OTX1: variants seen among roughly 807,000 people sequenced by gnomAD.
OTX1 encodes orthodenticle homeobox 1, also known as homeobox protein OTX1.
In OTX1, 7 loss-of-function variants were observed where a neutral mutation model predicts 26.7. The ratio of observed to expected loss-of-function variants is 0.26; its 90% CI spans 0.15 to 0.49. OTX1 has a LOEUF of 0.49. Ranked by LOEUF, OTX1 falls within the 20% of genes least tolerant of loss-of-function variation. The pLI is 0.98. For missense variants in OTX1, 414 were observed against 483.8 expected (o/e 0.86, Z 1.35); for synonymous variants, 216 against 212.8 (o/e 1.01, Z -0.13).
At chr2:63,054,909 G>A (rs958994920) in intron 4 of OTX1, among the ~76,000 whole-genome samples, 80 of 152,250 alleles carry the variant, frequency 5.3e-4, no homozygotes, top group African/African-American at 1.9e-3. Context: ...AAGGGCCAAC[G>A]AAATCCCACC....
rs1244544563 is a variant in OTX1 at position 63,057,003 on chromosome 2, G to C, written c.*687G>C. ...CTGGACTGGTTCAAGCTTCCGCCTC[G>C]GCGGGAACGCTGTACATAGTCAGGT... On this transcript the variant is annotated 3_prime_UTR_variant, in exon 5 of 5. Coordinates refer to ENST00000282549, the MANE Select transcript of OTX1 (RefSeq NM_014562.4). 1 of 152,332 alleles carries C rather than the reference G, an allele frequency of 6.6e-6. No individual in the cohort carries two copies. Among genetic ancestry groups the C allele is most frequent in the Non-Finnish European group, 1.5e-5 (1 of 68,182 alleles). 9.4% of individuals were successfully genotyped at this position (152,332 alleles called of 1,614,324 possible). A position where few individuals can be genotyped will look rare whatever the true frequency, so the allele number is the denominator to read the frequency against.
rs773204989 is a variant in OTX1 at position 63,056,123 on chromosome 2, GCCACCACCA to G, written c.879_887del (p.His299_His301del). On this transcript the variant is annotated inframe_deletion, in exon 5 of 5. Coordinates refer to ENST00000282549, the MANE Select transcript of OTX1 (RefSeq NM_014562.4). ...CACCACCCGTTGAGCCAGTCCTCAGGCCACCACCACCACCATCACCACCACCACCACCAA... is the reference window on the plus strand; with the variant it reads ...CACCACCCGTTGAGCCAGTCCTCAGGCCACCATCACCACCACCACCACCAA... 3 of 1,613,704 alleles carry G rather than the reference GCCACCACCA, an allele frequency of 1.9e-6. No homozygotes were observed. Among genetic ancestry groups the G allele is most frequent in the Middle Eastern group, 1.6e-4 (1 of 6,062 alleles).
At chr2:63,052,748 G>C in intron 2 of OTX1, 132 bp from the exon 3 acceptor site, 2 of 498,804 alleles carry the variant, frequency 4.0e-6, no homozygotes, top group South Asian at 2.6e-5. Context: ...TGGTTTCTGG[G>C]CTAAGGCCTT....
At chr2:63,054,857 C>T (rs1319814522) in intron 4 of OTX1, among the ~76,000 whole-genome samples, 1 of 152,172 alleles carries the variant, frequency 6.6e-6, no homozygotes, top group East Asian at 1.9e-4. Context: ...TGGGGCTCTC[C>T]TAGAAGAGTA....
chr2:63,053,362 G>A, intron 3 of OTX1: 1 of 396,246 alleles, frequency 2.5e-6, no homozygotes, highest in Admixed American at 4.5e-5. Flanking sequence ...CGCCAGCGCA[G>A]AGCTCATTTA....
rs904620914 is a variant in OTX1, at chr2:63,053,015, C to T, written c.25C>T (p.Pro9Ser). The T allele has an allele frequency of 1.2e-6, 2 of 1,610,456 alleles. No individual in the cohort carries two copies. Among genetic ancestry groups the T allele is most frequent in the Non-Finnish European group, 1.7e-6 (2 of 1,178,694 alleles). Reference sequence around the variant, plus strand: ...CATGATGTCTTACCTCAAACAACCCCCATACGGCATGAACGGGCTGGGCCT... The same window carrying T: ...CATGATGTCTTACCTCAAACAACCCTCATACGGCATGAACGGGCTGGGCCT... MMSYLKQP[P>S]YGMNGLGLAG... The change falls in exon 3 of 5, where the codon CCA (proline) becomes TCA (serine). Residue 9 changes from proline to serine, a missense_variant. Physicochemically the swap from Pro to Ser is moderately conservative, Grantham distance 74 (BLOSUM62 -1). Transcript: ENST00000282549.
chr2:63,056,261 C>T lies in OTX1; in HGVS notation c.1010C>T (p.Ser337Phe). 1.2e-6 allele frequency: 2 copies of T among 1,614,126 alleles called. No individual in the cohort carries two copies. The highest frequency in any genetic ancestry group is 1.7e-6 in the Non-Finnish European group (2 of 1,180,024). Residue 337 changes from serine to phenylalanine, a missense_variant, in exon 5 of 5, where the codon TCC (serine) becomes TTC (phenylalanine). Coordinates refer to ENST00000282549, the MANE Select transcript of OTX1 (RefSeq NM_014562.4). ...ASSAWKLNFN[S>F]PDCLDYKDQA... ...TCCGCCTGGAAACTCAACTTCAACT[C>T]CCCCGACTGTCTGGACTATAAGGAC... is the stretch of plus-strand genomic sequence containing the variant.
chr2:63,052,807 G>A (rs2062035218), intron 2 of OTX1, 73 bp from the exon 3 acceptor site: 3 of 558,254 alleles, frequency 5.4e-6, no homozygotes, highest in Non-Finnish European at 9.4e-6. Context: ...TGCCTTCCCT[G>A]TCTATCCCGG....
Position 63,056,348 on chromosome 2 carries a change from C to T in OTX1, c.*32C>T. Reference sequence around the variant, plus strand: ...GAATGAAAGAGGAGAAGAAACGCAACTACCTGCGCCCTCCGTGGTCCCGAT... The same window carrying T: ...GAATGAAAGAGGAGAAGAAACGCAATTACCTGCGCCCTCCGTGGTCCCGAT... On this transcript the variant is annotated 3_prime_UTR_variant, in exon 5 of 5. Coordinates refer to ENST00000282549, the MANE Select transcript of OTX1 (RefSeq NM_014562.4). 1 of 1,560,740 alleles carries T rather than the reference C, an allele frequency of 6.4e-7. No homozygotes were observed. The highest frequency in any genetic ancestry group is 8.8e-7 in the Non-Finnish European group (1 of 1,141,860).
At position 63,055,662 on chromosome 2, in the gene OTX1, G is replaced by T. The variant is rs771123001; in HGVS notation, c.411G>T (p.Ser137=). ...FTPPAVSSSA[S]SSSSASSSSA... is the part of the protein sequence containing the mutation. ...CGCCAGCTGTGTCCAGCTCTGCCTCGTCCTCTAGCTCGGCGTCCAGCTCTT... is the reference window on the plus strand; with the variant it reads ...CGCCAGCTGTGTCCAGCTCTGCCTCTTCCTCTAGCTCGGCGTCCAGCTCTT... The change falls in exon 5 of 5, where the codon TCG becomes TCT. Residue 137 remains serine (S), a synonymous_variant. Transcript: ENST00000282549. The surrounding 1 kb of genome is among the most constrained non-coding windows in gnomAD (Gnocchi z 5.2). The T allele has an allele frequency of 1.9e-6, 3 of 1,614,030 alleles. No individual in the cohort carries two copies. The highest frequency in any genetic ancestry group is 1.1e-5 in the South Asian group (1 of 91,084).
rs777307085 is a variant in OTX1 at position 63,053,965 on chromosome 2, C to A, written c.98-82C>A. Reference sequence around the variant, plus strand: ...TCTTTTGCGAAGGCCGAGATCTGGGCCTGCCAGGGGCCTGCCCGAGTCCTC... The same window carrying A: ...TCTTTTGCGAAGGCCGAGATCTGGGACTGCCAGGGGCCTGCCCGAGTCCTC... On this transcript the variant is annotated intron_variant, in intron 3 of 4. Transcript: ENST00000282549. 18 of 1,484,256 alleles carry A rather than the reference C, an allele frequency of 1.2e-5. 1 individual carries two copies. The South Asian group carries it at 2.1e-4, about 17-fold the overall frequency. 91.9% of individuals were successfully genotyped at this position (1,484,256 alleles called of 1,614,324 possible). A position where few individuals can be genotyped will look rare whatever the true frequency, so the allele number is the denominator to read the frequency against.
chr2:63,055,598 G>C lies in OTX1; in HGVS notation c.347G>C (p.Arg116Pro). 6.2e-7 allele frequency: 1 copy of C among 1,614,132 alleles called. No individual in the cohort carries two copies. Among genetic ancestry groups the C allele is most frequent in the East Asian group, 2.2e-5 (1 of 44,872 alleles). Residue 116 changes from arginine (R) to proline (P), a missense_variant, in exon 5 of 5, where the codon CGG becomes CCG. Transcript: ENST00000282549. The surrounding 1 kb of genome is among the most constrained non-coding windows in gnomAD (Gnocchi z 5.2). ...RPAKKKSSPV[R>P]ESSGSESSGQ... The stretch of plus-strand genomic sequence containing the variant: ...GCCAAGAAGAAGTCCTCTCCAGTGC[G>C]GGAGAGCTCGGGCTCCGAAAGCAGT...
chr2:63,052,479 C>T (rs930479952), intron 2 of OTX1, among the ~76,000 whole-genome samples: 1 of 152,246 alleles, frequency 6.6e-6, no homozygotes, highest in Non-Finnish European at 1.5e-5. Context: ...CAAAATGAAA[C>T]AACGCCTCAT....
intron 4 of OTX1, 21 bp downstream of exon 4, chr2:63,054,219 A>T: frequency 6.4e-7 from 1 of 1,571,454 alleles, no homozygotes; most frequent in Non-Finnish European, 8.6e-7. Context: ...CCCGGGCTCC[A>T]GGGTCTGGGT....
chr2:63,051,180 G>A (rs1270524879), intron 1 of OTX1, 69 bp from the exon 2 acceptor site: 1 of 152,510 alleles, frequency 6.6e-6, no homozygotes, highest in African/African-American at 2.4e-5. Flanking sequence ...AAGGAAGTTG[G>A]GAAAAGAAAG....
Position 63,055,418 on chromosome 2 carries a change from C to A in OTX1, c.250-83C>A. 1 of 1,421,312 alleles carries A rather than the reference C, an allele frequency of 7.0e-7. No homozygotes were observed. Among genetic ancestry groups the A allele is most frequent in the Non-Finnish European group, 9.6e-7 (1 of 1,040,142 alleles). The allele number at this position is 1,421,312 out of a possible 1,614,324, so 88.0% of individuals were successfully genotyped here. ...GAGAAAGGATTGCGATATTCTGGAC[C>A]GGGAGTTGGGTCCGCGGGGCGGTGG... On this transcript the variant is annotated intron_variant, in intron 4 of 4. Transcript: ENST00000282549. This position sits in a 1 kb window ranked among gnomAD's most constrained non-coding sequence, Gnocchi z 5.2.
In OTX1 at chr2:63,056,356, G is replaced by A. The variant is rs760541956; in HGVS notation, c.*40G>A. ...GAGGAGAAGAAACGCAACTACCTGC[G>A]CCCTCCGTGGTCCCGATCCTGTTGC... On this transcript the variant is annotated 3_prime_UTR_variant, in exon 5 of 5. Transcript: ENST00000282549. The A allele has an allele frequency of 6.5e-6, 10 of 1,536,314 alleles. No individual in the cohort carries two copies. In the East Asian group the frequency reaches 1.8e-4, roughly 28 times the overall value.
rs1234800576 is a variant in OTX1, at chr2:63,055,875, C to T, written c.624C>T (p.Arg208=). The change falls in exon 5 of 5, where the codon CGC becomes CGT. Residue 208 remains arginine (R), a synonymous_variant. Coordinates refer to ENST00000282549, the MANE Select transcript of OTX1 (RefSeq NM_014562.4). This position sits in a 1 kb window ranked among gnomAD's most constrained non-coding sequence, Gnocchi z 5.2. ...AAPSNTSCMQ[R]SVAAGAATAA... is the part of the protein sequence containing the mutation. Reference sequence around the variant, plus strand: ...CTAGCAACACCTCGTGTATGCAGCGCTCCGTAGCTGCAGGCGCCGCCACCG... The same window carrying T: ...CTAGCAACACCTCGTGTATGCAGCGTTCCGTAGCTGCAGGCGCCGCCACCG... 1 of 1,612,134 alleles carries T rather than the reference C, an allele frequency of 6.2e-7. No homozygotes were observed. Among genetic ancestry groups the T allele is most frequent in the African/African-American group, 1.3e-5 (1 of 74,924 alleles).
Position 63,054,122 on chromosome 2 carries a change from C to A in OTX1, c.173C>A (p.Ala58Asp). 6.2e-7 allele frequency: 1 copy of A among 1,612,500 alleles called. No homozygotes were observed. The highest frequency in any genetic ancestry group is 8.5e-7 in the Non-Finnish European group (1 of 1,179,350). The change falls in exon 4 of 5, where the codon GCC becomes GAC. Residue 58 changes from alanine (A) to aspartate (D), a missense_variant. Physicochemically the swap from Ala to Asp is moderately radical, Grantham distance 126 (BLOSUM62 -2). Coordinates refer to ENST00000282549, the MANE Select transcript of OTX1 (RefSeq NM_014562.4). ...SQLDVLEALFAKTRYPDIFMR... is the reference protein window; with the variant it reads ...SQLDVLEALFDKTRYPDIFMR... ...CTGGACGTGCTCGAGGCGCTCTTCG[C>A]CAAGACTCGCTACCCTGACATCTTC...
Sources: allele counts gnomAD v4.1 joint callset (sites outside exome capture counted in the v4.1 genomes callset), GRCh38; gene constraint gnomAD v4.1.1; non-coding constraint Gnocchi (gnomAD v3.1); transcripts MANE v1.5; gene names NCBI Gene and HGNC (gene_info 2026-07-23, HGNC 2026-07-21).